LRP1: variants seen among roughly 807,000 people sequenced by gnomAD.
LRP1 encodes prolow-density lipoprotein receptor-related protein 1.
LRP1 carries 51 observed loss-of-function variants against 541.5 expected under a neutral mutation model. The ratio of observed to expected loss-of-function variants is 0.09; its 90% CI spans 0.08 to 0.12. LRP1 has a LOEUF of 0.12. LRP1 is among the 10% of genes least tolerant of loss of function. LRP1 has a pLI of 1.00. For missense variants in LRP1, 3,878 were observed against 6,376.2 expected (o/e 0.61, Z 13.34); for synonymous variants, 2,219 against 2,470.8 (o/e 0.90, Z 3.02).
At chr12:57,157,790 G>T (rs1169540461) in intron 10 of LRP1, among the ~76,000 whole-genome samples, 1 of 152,222 alleles carries the variant, frequency 6.6e-6, no homozygotes, top group East Asian at 1.9e-4. Flanking sequence ...AGGCCCTGAG[G>T]CCAGTGTGAG....
chr12:57,199,413 G>C lies in LRP1; in HGVS notation c.9865+13G>C. On this transcript the variant is annotated intron_variant, in intron 61 of 88. Coordinates refer to ENST00000243077, the MANE Select transcript of LRP1 (RefSeq NM_002332.3). ...CGCCAGCCAGACGGTGAGCAGGCAA[G>C]GGGTGGGAGCAGGCGAACGGTGAGC... The C allele has an allele frequency of 6.2e-7, 1 of 1,604,500 alleles. No individual in the cohort carries two copies. Among genetic ancestry groups the C allele is most frequent in the Non-Finnish European group, 8.5e-7 (1 of 1,176,294 alleles).
chr12:57,148,268 C>T (rs1475530754), intron 6 of LRP1, among the ~76,000 whole-genome samples: 2 of 151,440 alleles, frequency 1.3e-5, no homozygotes, highest in South Asian at 2.1e-4. Flanking sequence ...TAGCATGCAG[C>T]GAAATAAGAA....
At position 57,128,834 on chromosome 12, in the gene LRP1, G is replaced by A. The variant is rs987119537; in HGVS notation, c.-131G>A. On this transcript the variant is annotated 5_prime_UTR_variant, in exon 1 of 89. Coordinates refer to ENST00000243077, the MANE Select transcript of LRP1 (RefSeq NM_002332.3). Reference sequence around the variant, plus strand: ...ACCCACGCCCCTGGTGCGCTTTGCCGAAGGAAAGAATAAGAACAGAGAAGG... The same window carrying A: ...ACCCACGCCCCTGGTGCGCTTTGCCAAAGGAAAGAATAAGAACAGAGAAGG... The A allele has an allele frequency of 1.0e-5, 8 of 786,708 alleles. No individual in the cohort carries two copies. Among genetic ancestry groups the A allele is most frequent in the Non-Finnish European group, 1.4e-5 (7 of 504,970 alleles). 48.7% of individuals were successfully genotyped at this position (786,708 alleles called of 1,614,324 possible).
chr12:57,202,988 G>A (rs2036687958), intron 68 of LRP1, 193 bp from the exon 69 acceptor site: 1 of 587,014 alleles, frequency 1.7e-6, no homozygotes, highest in East Asian at 2.8e-5. Context: ...TGGGGTAAGT[G>A]CGAGCCCGCC....
In LRP1 at chr12:57,187,385, C is replaced by T. The variant is rs760341464; in HGVS notation, c.6960C>T (p.Phe2320=). 2.6e-5 allele frequency: 42 copies of T among 1,614,064 alleles called. No homozygotes were observed. The highest frequency in any genetic ancestry group is 1.0e-4 in the Admixed American group (6 of 60,008). The change falls in exon 42 of 89, where the codon TTC becomes TTT. Residue 2320 remains phenylalanine (F), a synonymous_variant. Coordinates refer to ENST00000243077, the MANE Select transcript of LRP1 (RefSeq NM_002332.3). ...HTVDQTRPGA[F]ERETVITMSG... ...TGGACCAGACCCGCCCAGGGGCCTT[C>T]GAGCGTGAGACCGTCATCACTATGT...
At chr12:57,202,341 G>A in intron 67 of LRP1, 80 bp from the exon 68 acceptor site, 5 of 1,163,298 alleles carry the variant, frequency 4.3e-6, no homozygotes, top group Non-Finnish European at 6.5e-6. Context: ...TCCCTGCCAG[G>A]CCAGCCTGAC....
In LRP1 at chr12:57,177,081, C is replaced by T. The variant is rs761675765; in HGVS notation, c.4032C>T (p.Ala1344=). 7.4e-6 allele frequency: 12 copies of T among 1,614,180 alleles called. No homozygotes were observed. The highest frequency in any genetic ancestry group is 9.3e-6 in the Non-Finnish European group (11 of 1,180,034). ...SFEVVIQYGL[A]TPEGLAVDWI... is the part of the protein sequence containing the mutation. ...AGGTGGTGATTCAGTATGGCCTGGC[C>T]ACACCCGAGGGCCTGGCTGTAGACT... The change falls in exon 25 of 89, where the codon GCC becomes GCT. Residue 1344 remains alanine (A), a synonymous_variant. Transcript: ENST00000243077. The surrounding 1 kb of genome is among the most constrained non-coding windows in gnomAD (Gnocchi z 6.8).
In LRP1 at chr12:57,197,100, A is replaced by G. The variant is rs754408763; in HGVS notation, c.9011A>G (p.Lys3004Arg). The change falls in exon 56 of 89, where the codon AAG (lysine) becomes AGG (arginine). Residue 3004 changes from lysine to arginine, a missense_variant. By Grantham distance (26) the Lys-to-Arg change is conservative. This residue lies in a region of LRP1 where 1,100 missense variants were observed against 1,827.4 expected (regional missense o/e 0.60). Transcript: ENST00000243077. This position sits in a 1 kb window ranked among gnomAD's most constrained non-coding sequence, Gnocchi z 4.5. ...QRCINTHGSY[K>R]CLCVEGYAPR... The stretch of plus-strand genomic sequence containing the variant: ...TGCATCAACACTCATGGCAGCTATA[A>G]GTGTCTGTGTGTGGAGGGCTATGCA... 5 of 1,614,094 alleles carry G rather than the reference A, an allele frequency of 3.1e-6. No individual in the cohort carries two copies. The South Asian group carries it at 4.4e-5, about 14-fold the overall frequency.
rs368293645 is a variant in LRP1, at chr12:57,206,624, C to G, written c.11742C>G (p.Val3914=). Residue 3914 remains valine, a synonymous_variant, in exon 76 of 89, where the codon GTC becomes GTG. Transcript: ENST00000243077. The surrounding 1 kb of genome is among the most constrained non-coding windows in gnomAD (Gnocchi z 4.7). ...AMDVHVKAGR[V]YWTNWHTGTI... is the part of the protein sequence containing the mutation. ...ATGTCCATGTCAAGGCTGGCCGTGT[C>G]TATTGGACCAACTGGCACACGGGCA... The G allele has an allele frequency of 4.3e-6, 7 of 1,614,166 alleles. No individual in the cohort carries two copies. Among genetic ancestry groups the G allele is most frequent in the East Asian group, 2.2e-5 (1 of 44,880 alleles).
chr12:57,212,740 C>G lies in LRP1; in HGVS notation c.*185C>G. The G allele has an allele frequency of 1.6e-6, 1 of 635,048 alleles. No individual in the cohort carries two copies. Among genetic ancestry groups the G allele is most frequent in the Admixed American group, 3.4e-5 (1 of 29,060 alleles). 39.3% of individuals were successfully genotyped at this position (635,048 alleles called of 1,614,324 possible). On this transcript the variant is annotated 3_prime_UTR_variant, in exon 89 of 89. Coordinates refer to ENST00000243077, the MANE Select transcript of LRP1 (RefSeq NM_002332.3). This position sits in a 1 kb window ranked among gnomAD's most constrained non-coding sequence, Gnocchi z 5.0. ...GCGAGCACAGTATTATTTCTCCATC[C>G]CCTCCCTGCCTGCTCCTTGGCACCC...
rs1029301848 is a variant in LRP1, at chr12:57,197,481, C to G, written c.9163-64C>G. 4.2e-5 allele frequency: 68 copies of G among 1,613,210 alleles called. No individual in the cohort carries two copies. Among genetic ancestry groups the G allele is most frequent in the Admixed American group, 1.8e-4 (11 of 59,904 alleles). ...CGCTTAGGTCCAACCATCCCTCCCC[C>G]AGATGCAAATGTGGCCCCTGTTGCC... On this transcript the variant is annotated intron_variant, in intron 57 of 88. Coordinates refer to ENST00000243077, the MANE Select transcript of LRP1 (RefSeq NM_002332.3). The surrounding 1 kb of genome is among the most constrained non-coding windows in gnomAD (Gnocchi z 4.5).
At chr12:57,187,481 G>T in intron 42 of LRP1, 25 bp downstream of exon 42, 6 of 1,600,496 alleles carry the variant, frequency 3.7e-6, no homozygotes, top group Non-Finnish European at 5.1e-6. Context: ...GGGGATGGGG[G>T]TAGCAGGGAG....
At position 57,154,185 on chromosome 12, in the gene LRP1, G is replaced by T; in HGVS notation, c.842-23G>T. On this transcript the variant is annotated intron_variant, in intron 6 of 88. Transcript: ENST00000243077. This position sits in a 1 kb window ranked among gnomAD's most constrained non-coding sequence, Gnocchi z 4.6. ...GCAAGAGGGCCTACCCCACCCCATG[G>T]CTCTTTCATTCGTACTCTCCAGACG... 1 of 1,601,072 alleles carries T rather than the reference G, an allele frequency of 6.2e-7. No individual in the cohort carries two copies. Among genetic ancestry groups the T allele is most frequent in the Non-Finnish European group, 8.5e-7 (1 of 1,169,844 alleles).
chr12:57,171,103 G>T (rs2035936363), intron 20 of LRP1, among the ~76,000 whole-genome samples: 2 of 152,178 alleles, frequency 1.3e-5, no homozygotes, highest in Admixed American at 1.3e-4. Context: ...TCTGAGAAGG[G>T]GCCTCTGGAG....
chr12:57,188,188 C>A (rs1840755986), intron 42 of LRP1, among the ~76,000 whole-genome samples: 1 of 152,172 alleles, frequency 6.6e-6, no homozygotes, highest in South Asian at 2.1e-4. Flanking sequence ...GAGGGTTCAC[C>A]CGCAGTCAGC....
chr12:57,209,935 CCCTGGGACCTGGT>C (rs2036870326), intron 80 of LRP1, 67 bp downstream of exon 80: 1 of 1,595,170 alleles, frequency 6.3e-7, no homozygotes, highest in Non-Finnish European at 8.6e-7. Flanking sequence ...CAAGCTGTGG[CCCTGGGACCTGGT>C]GGAGAGGGGG....
intron 41 of LRP1, among the ~76,000 whole-genome samples, chr12:57,186,763 G>C (rs2036278862): frequency 6.6e-6 from 1 of 152,196 alleles, no homozygotes; most frequent in Admixed American, 6.5e-5. Flanking sequence ...TGGCCCTTTG[G>C]CAGCCACCAT....
At chr12:57,202,603 C>G in intron 68 of LRP1, 66 bp downstream of exon 68, 1 of 1,330,092 alleles carries the variant, frequency 7.5e-7, no homozygotes, top group South Asian at 1.3e-5. Context: ...TCGCGGCCCT[C>G]CTGCCACAGG....
rs2035339926 is a variant in LRP1 at position 57,143,578 on chromosome 12, A to C, written c.329-101A>C. 15 of 1,437,576 alleles carry C rather than the reference A, an allele frequency of 1.0e-5. No individual in the cohort carries two copies. The South Asian group carries it at 1.8e-4, about 17-fold the overall frequency. 89.1% of individuals were successfully genotyped at this position (1,437,576 alleles called of 1,614,324 possible). On this transcript the variant is annotated intron_variant, in intron 3 of 88. Transcript: ENST00000243077. ...TGTCTCTGACACTGCAGCCCTTAGA[A>C]GTGGTTTCTGAAGGTTGACTGGGTT...
Sources: allele counts gnomAD v4.1 joint callset (sites outside exome capture counted in the v4.1 genomes callset), GRCh38; gene constraint gnomAD v4.1.1; regional missense constraint gnomAD v4.1.1; non-coding constraint Gnocchi (gnomAD v3.1); transcripts MANE v1.5; gene names NCBI Gene and HGNC (gene_info 2026-07-23, HGNC 2026-07-21).